CADPS2: variants seen among roughly 807,000 people sequenced by gnomAD.
CADPS2 encodes the protein calcium-dependent secretion activator 2.
CADPS2 carries 93 observed loss-of-function variants against 172.5 expected under a neutral mutation model. The ratio of observed to expected loss-of-function variants is 0.54; its 90% CI spans 0.46 to 0.64. CADPS2 has a LOEUF of 0.64. CADPS2 is among the 30% of genes least tolerant of loss of function. The pLI is 0.00. For missense variants in CADPS2, 1,420 were observed against 1,565.9 expected, an observed-to-expected ratio of 0.91 and a Z score of 1.57; for synonymous variants, 546 against 555.2, an observed-to-expected ratio of 0.98 and a Z score of 0.23.
chr7:122,350,108 TG>T (rs2038313940), intron 27 of CADPS2, among the ~76,000 whole-genome samples: 1 of 152,082 alleles, frequency 6.6e-6, no homozygotes, highest in Non-Finnish European at 1.5e-5. Flanking sequence ...CAATCAAGAG[TG>T]GAAGTGTAAT....
intron 2 of CADPS2, chr7:122,701,858 C>T (rs773016168): frequency 1.2e-6 from 2 of 1,604,850 alleles, no homozygotes; most frequent in Admixed American, 1.7e-5. Flanking sequence ...GTCACACTTG[C>T]ACATGGGACA....
At chr7:122,422,281 A>G (rs2048610408) in intron 17 of CADPS2, among the ~76,000 whole-genome samples, 1 of 152,172 alleles carries the variant, frequency 6.6e-6, no homozygotes, top group Non-Finnish European at 1.5e-5. Context: ...TTACCTTGAG[A>G]GCCTGTAAAG....
chr7:122,345,747 A>G, intron 27 of CADPS2, 66 bp from the exon 28 acceptor site: 1 of 1,014,206 alleles, frequency 9.9e-7, no homozygotes, highest in South Asian at 1.5e-5. Context: ...TTATTATTTA[A>G]TCATACCCTG....
At chr7:122,333,795 G>T (rs1409079283) in intron 28 of CADPS2, among the ~76,000 whole-genome samples, 1 of 151,928 alleles carries the variant, frequency 6.6e-6, no homozygotes, top group Non-Finnish European at 1.5e-5. Context: ...TACTTGTATT[G>T]CTATCTCCAG....
At chr7:122,434,985 T>C (rs879757948) in intron 17 of CADPS2, among the ~76,000 whole-genome samples, 4 of 142,540 alleles carry the variant, frequency 2.8e-5, no homozygotes, top group Non-Finnish European at 6.3e-5. Context: ...ACCATTCATA[T>C]AGCCTCAGGT....
In CADPS2 at chr7:122,402,679, T is replaced by C. The variant is rs186976077; in HGVS notation, c.2746+4861A>G. On this transcript the variant is annotated intron_variant, in intron 20 of 29. Transcript: ENST00000449022. ...TTGAAAGGTCTTAGTAATTTTAAAT[T>C]TTGGGAAAGCAAACATAAATATGCA... 3.1e-3 allele frequency among the ~76,000 whole-genome samples: 474 copies of C among 152,302 alleles called. 3 individuals are homozygous for C. Among genetic ancestry groups the C allele is most frequent in the Non-Finnish European group, 5.7e-3 (385 of 68,034 alleles).
intron 1 of CADPS2, among the ~76,000 whole-genome samples, chr7:122,773,765 C>A (rs2093778703): frequency 6.6e-6 from 1 of 152,066 alleles, no homozygotes; most frequent in African/African-American, 2.4e-5. Context: ...TAGCAAACTA[C>A]TTTTCCATAA....
At chr7:122,867,027 A>G (rs1283650679) in intron 1 of CADPS2, among the ~76,000 whole-genome samples, 1 of 152,002 alleles carries the variant, frequency 6.6e-6, no homozygotes, top group Non-Finnish European at 1.5e-5. Context: ...TTCTTGCTTT[A>G]GTGCTATATT....
chr7:122,814,944 AC>A (rs1190447657), intron 1 of CADPS2, among the ~76,000 whole-genome samples: 1 of 152,140 alleles, frequency 6.6e-6, no homozygotes, highest in Non-Finnish European at 1.5e-5. Context: ...GGCTCTGTTT[AC>A]TATAACAAGC....
At chr7:122,725,012 TAAC>T (rs1303116285) in intron 2 of CADPS2, among the ~76,000 whole-genome samples, 3 of 152,110 alleles carry the variant, frequency 2.0e-5, no homozygotes, top group Admixed American at 6.6e-5. Flanking sequence ...GACAACTCAT[TAAC>T]AAAGTTTAAA....
chr7:122,414,046 T>C (rs565717663), intron 19 of CADPS2, 22 bp downstream of exon 19: 3 of 1,554,958 alleles, frequency 1.9e-6, no homozygotes, highest in Non-Finnish European at 2.6e-6. Flanking sequence ...GCTAATAAAA[T>C]AGTGGAAATC....
At chr7:122,432,927 G>C (rs185792870) in intron 17 of CADPS2, among the ~76,000 whole-genome samples, 131 of 151,794 alleles carry the variant, frequency 8.6e-4, no homozygotes, top group Middle Eastern at 3.4e-3. Flanking sequence ...AGGTAACCCT[G>C]CTAGGTTACC....
intron 7 of CADPS2, among the ~76,000 whole-genome samples, chr7:122,559,196 G>C (rs2065403783): frequency 6.6e-6 from 1 of 152,124 alleles, no homozygotes; most frequent in Non-Finnish European, 1.5e-5. Context: ...AGATTTATAA[G>C]GCTGACATGG....
rs150500040 is a variant in CADPS2, at chr7:122,449,109, T to A, written c.2288+2265A>T. The stretch of plus-strand genomic sequence containing the variant: ...AGTGAGCATGCAAATTTATTTATTG[T>A]TTAAAACAGTTGGAGGCAGGATTTC... On this transcript the variant is annotated intron_variant, in intron 15 of 29. Transcript: ENST00000449022. Among the ~76,000 whole-genome samples, 461 of 152,238 alleles carry A rather than the reference T, an allele frequency of 3.0e-3. 3 individuals are homozygous for A. Among genetic ancestry groups the A allele is most frequent in the African/African-American group, 0.011 (445 of 41,540 alleles).
At chr7:122,852,757 CACTT>C (rs1454640695) in intron 1 of CADPS2, among the ~76,000 whole-genome samples, 45 of 152,116 alleles carry the variant, frequency 3.0e-4, no homozygotes, top group Non-Finnish European at 1.5e-5. Flanking sequence ...CCACTATAAA[CACTT>C]ACGCTTTTAC....
chr7:122,606,392 T>C (rs1479602306), intron 6 of CADPS2, among the ~76,000 whole-genome samples: 1 of 152,162 alleles, frequency 6.6e-6, no homozygotes, highest in African/African-American at 2.4e-5. Context: ...TATGTATTCC[T>C]GGGGAAGTTG....
chr7:122,356,092 T>C (rs1220742015), intron 27 of CADPS2, among the ~76,000 whole-genome samples: 1 of 152,100 alleles, frequency 6.6e-6, no homozygotes, highest in East Asian at 1.9e-4. Context: ...AACTGAAGTG[T>C]GAGCTTTATT....
chr7:122,397,865 G>A (rs2045369151), intron 20 of CADPS2, among the ~76,000 whole-genome samples: 1 of 152,176 alleles, frequency 6.6e-6, no homozygotes, highest in African/African-American at 2.4e-5. Context: ...GTATGAGAGA[G>A]TGAAAAGGGC....
chr7:122,541,705 TCATATATTTA>T (rs2063006509), intron 8 of CADPS2, among the ~76,000 whole-genome samples: 2 of 146,010 alleles, frequency 1.4e-5, no homozygotes, highest in African/African-American at 2.5e-5. Flanking sequence ...GTTTATATAT[TCATATATTTA>T]CATATATTCA....
Sources: gnomAD v4.1 joint callset for allele counts (sites outside exome capture counted in the v4.1 genomes callset) on GRCh38, gnomAD v4.1.1 for gene constraint, MANE v1.5 for transcripts, NCBI Gene and HGNC (gene_info 2026-07-23, HGNC 2026-07-21) for gene names.